DOCK7: variants seen among roughly 807,000 people sequenced by gnomAD.
DOCK7 encodes the protein dedicator of cytokinesis protein 7.
A neutral mutation model predicts 271.0 loss-of-function variants in DOCK7; 138 were observed. The ratio of observed to expected loss-of-function variants is 0.51; its 90% CI spans 0.44 to 0.59. DOCK7 has a LOEUF of 0.59. Ranked by LOEUF, DOCK7 falls within the 20% of genes least tolerant of loss-of-function variation. The pLI, the probability that DOCK7 is intolerant of heterozygous loss-of-function variation, is 0.00. For synonymous variants in DOCK7, 823 were observed against 876.1 expected (o/e 0.94, Z 1.07); for missense variants, 2,066 against 2,592.4 (o/e 0.80, Z 4.41).
Position 62,550,073 on chromosome 1 carries a change from GA to G in DOCK7, c.2766+2658del, listed in dbSNP as rs368421753. Among the ~76,000 whole-genome samples, 586 of 152,242 alleles carry G rather than the reference GA, an allele frequency of 3.8e-3. 6 individuals carry two copies. The highest frequency in any genetic ancestry group is 0.013 in the African/African-American group (532 of 41,570). On this transcript the variant is annotated intron_variant, in intron 22 of 49. Transcript: ENST00000635253. ...CATTTTGTTTATCCAGTCATCTGTT[GA>G]TGGACACTTAGATTGCTTTCAAATG...
intron 14 of DOCK7, among the ~76,000 whole-genome samples, chr1:62,589,657 T>C (rs1648140912): frequency 6.6e-6 from 1 of 152,038 alleles, no homozygotes; most frequent in South Asian, 2.1e-4. Context: ...GACTTCATAC[T>C]GATATTTCCA....
chr1:62,643,826 T>A (rs570926661), intron 7 of DOCK7, among the ~76,000 whole-genome samples: 136 of 152,210 alleles, frequency 8.9e-4, no homozygotes, highest in African/African-American at 3.2e-3. Flanking sequence ...TTGTTCAGTT[T>A]TATCATCAAG....
intron 43 of DOCK7, chr1:62,481,521 A>G (rs1262830199): frequency 1.3e-5 from 2 of 152,062 alleles, no homozygotes; most frequent in Non-Finnish European, 1.5e-5. Context: ...CCACAGGATG[A>G]TACCTGTTTT....
intron 31 of DOCK7, among the ~76,000 whole-genome samples, chr1:62,523,124 T>C (rs1023730869): frequency 2.6e-5 from 4 of 152,162 alleles, no homozygotes; most frequent in Non-Finnish European, 5.9e-5. Flanking sequence ...TTCAATACAA[T>C]CTTAACTAAA....
chr1:62,536,879 C>T (rs773665089), intron 28 of DOCK7, among the ~76,000 whole-genome samples: 8 of 152,186 alleles, frequency 5.3e-5, no homozygotes, highest in Non-Finnish European at 1.0e-4. Flanking sequence ...ATACTAAAAC[C>T]ACAAAATCTC....
rs528196796 is a variant in DOCK7, at chr1:62,490,739, T to C, written c.5362-1674A>G. ...AATCTAAATGCACTATTGTGAATTATTAAAAATCACACATATACAAACACA... is the reference window on the plus strand; with the variant it reads ...AATCTAAATGCACTATTGTGAATTACTAAAAATCACACATATACAAACACA... On this transcript the variant is annotated intron_variant, in intron 41 of 49. Transcript: ENST00000635253. Among the ~76,000 whole-genome samples, 137 of 152,312 alleles carry C rather than the reference T, an allele frequency of 9.0e-4. 3 individuals are homozygous for C. The highest frequency in any genetic ancestry group is 3.4e-3 in the Middle Eastern group (1 of 294).
At chr1:62,633,846 A>G in intron 9 of DOCK7, 1 of 300,540 alleles carries the variant, frequency 3.3e-6, no homozygotes, top group Non-Finnish European at 6.1e-6. Context: ...TTAAAGACTG[A>G]AAGCTTTTCC....
At chr1:62,636,179 G>C (rs1655247867) in intron 8 of DOCK7, among the ~76,000 whole-genome samples, 3 of 152,188 alleles carry the variant, frequency 2.0e-5, no homozygotes, top group Non-Finnish European at 2.9e-5. Context: ...GTGAACCTGG[G>C]AGGCGGAGCT....
At chr1:62,515,602 TAA>T (rs1182080943) in intron 31 of DOCK7, among the ~76,000 whole-genome samples, 2 of 152,192 alleles carry the variant, frequency 1.3e-5, no homozygotes, top group Admixed American at 1.3e-4. Context: ...TGGGAAGAAT[TAA>T]GACAAACATG....
chr1:62,672,350 CAT>C (rs992514690), intron 1 of DOCK7, among the ~76,000 whole-genome samples: 17 of 152,124 alleles, frequency 1.1e-4, no homozygotes, highest in African/African-American at 4.1e-4. Flanking sequence ...CAACGTGTCA[CAT>C]ACTGTGCAAA....
At chr1:62,600,942 A>G in intron 14 of DOCK7, 1 of 640,258 alleles carries the variant, frequency 1.6e-6, no homozygotes, top group Non-Finnish European at 2.9e-6. Flanking sequence ...AATCTGAATA[A>G]CACTGTTTAT....
At chr1:62,607,150 G>A (rs1375083942) in intron 14 of DOCK7, among the ~76,000 whole-genome samples, 3 of 152,044 alleles carry the variant, frequency 2.0e-5, no homozygotes, top group African/African-American at 7.2e-5. Flanking sequence ...AGGTTGCAGT[G>A]AGCTGAGATC....
chr1:62,577,459 T>G, intron 17 of DOCK7, 96 bp from the exon 18 acceptor site: 7 of 669,214 alleles, frequency 1.0e-5, no homozygotes, highest in African/African-American at 1.8e-5. Flanking sequence ...GCCAAATTTG[T>G]CCCATATCAT....
At chr1:62,530,324 GAAAA>G (rs1237284569) in intron 29 of DOCK7, among the ~76,000 whole-genome samples, 1 of 152,132 alleles carries the variant, frequency 6.6e-6, no homozygotes, top group African/African-American at 2.4e-5. Flanking sequence ...TTTTGTCTCA[GAAAA>G]AGTGTACCTT....
intron 16 of DOCK7, among the ~76,000 whole-genome samples, chr1:62,582,499 G>A (rs1370117833): frequency 2.5e-5 from 3 of 120,232 alleles, no homozygotes; most frequent in African/African-American, 6.4e-5. Flanking sequence ...GCAGTAAGCC[G>A]AGATCCCGCC....
chr1:62,579,104 C>T (rs925818148), intron 16 of DOCK7, 138 bp from the exon 17 acceptor site: 3 of 826,412 alleles, frequency 3.6e-6, no homozygotes, highest in African/African-American at 1.8e-5. Flanking sequence ...TTCTTTATCC[C>T]CAATCTCTAA....
chr1:62,474,127 T>A, intron 47 of DOCK7, 39 bp from the exon 48 acceptor site: 1 of 1,529,352 alleles, frequency 6.5e-7, no homozygotes, highest in Non-Finnish European at 9.0e-7. Context: ...TTTTTTGTTA[T>A]CTCTAAAATC....
At chr1:62,617,729 CT>C (rs919688069) in intron 14 of DOCK7, among the ~76,000 whole-genome samples, 71 of 151,458 alleles carry the variant, frequency 4.7e-4, no homozygotes, top group African/African-American at 1.2e-3. Flanking sequence ...TTACCTGTTT[CT>C]TTTTTTTAAT....
At chr1:62,496,880 T>G (rs1646639230) in intron 37 of DOCK7, among the ~76,000 whole-genome samples, 1 of 152,196 alleles carries the variant, frequency 6.6e-6, no homozygotes, top group African/African-American at 2.4e-5. Context: ...GTCCATTTCA[T>G]GACATCCATA....
Sources: gnomAD v4.1 joint callset for allele counts (sites outside exome capture counted in the v4.1 genomes callset) on GRCh38, gnomAD v4.1.1 for gene constraint, MANE v1.5 for transcripts, NCBI Gene and HGNC (gene_info 2026-07-23, HGNC 2026-07-21) for gene names.